The following NIPBL variants were observed in gnomAD, a reference collection of about 807,000 sequenced individuals.
NIPBL encodes the protein NIPBL cohesin loading factor, also known as nipped-B-like protein.
A neutral mutation model predicts 321.8 loss-of-function variants in NIPBL; 19 were observed. The observed-to-expected ratio is 0.06, with a 90% confidence interval of 0.04 to 0.09. NIPBL has a LOEUF of 0.09. Among genes scored for constraint, NIPBL ranks in the 10% least tolerant of loss-of-function variants. The pLI is 1.00. For synonymous variants in NIPBL, 1,106 were observed against 1,114.1 expected (o/e 0.99, Z 0.14); for missense variants, 2,210 against 3,327.0 (o/e 0.66, Z 8.26).
At chr5:37,010,776 A>G (rs1748026567) in intron 21 of NIPBL, among the ~76,000 whole-genome samples, 1 of 152,194 alleles carries the variant, frequency 6.6e-6, no homozygotes, top group African/African-American at 2.4e-5. Flanking sequence ...AATGGAGGTG[A>G]TAATACTTAT....
chr5:37,050,708 C>A (rs576813490), intron 40 of NIPBL, among the ~76,000 whole-genome samples: 1 of 152,178 alleles, frequency 6.6e-6, no homozygotes, highest in Non-Finnish European at 1.5e-5. Flanking sequence ...CAAGGACATT[C>A]TCTTACAAAA....
rs561993875 is a variant in NIPBL at position 36,972,590 on chromosome 5, G to A, written c.868+549G>A. Among the ~76,000 whole-genome samples the A allele has an allele frequency of 8.4e-4, 127 of 151,974 alleles. 1 individual carries two copies. The highest frequency in any genetic ancestry group is 2.9e-3 in the African/African-American group (122 of 41,480). ...CATAAGACTCCTAAATCAATCTTTG[G>A]CTCCAGTCTTGTCTCCCAAGTTCTA... On this transcript the variant is annotated intron_variant, in intron 8 of 46. Transcript: ENST00000282516.
At chr5:37,062,479 C>A (rs1162518806) in intron 45 of NIPBL, among the ~76,000 whole-genome samples, 1 of 151,010 alleles carries the variant, frequency 6.6e-6, no homozygotes, top group Non-Finnish European at 1.5e-5. Flanking sequence ...CTAGAGGTTA[C>A]CAAGGACCGG....
Position 37,063,920 on chromosome 5 carries a change from C to T in NIPBL, c.7991C>T (p.Ala2664Val). ...LGGGSPKNNT[A>V]AETEDDESDG... Reference sequence around the variant, plus strand: ...GGAGGCAGCCCTAAAAATAATACAGCAGCAGAGACAGAAGATGATGAAAGT... The same window carrying T: ...GGAGGCAGCCCTAAAAATAATACAGTAGCAGAGACAGAAGATGATGAAAGT... Residue 2664 changes from alanine to valine, a missense_variant, in exon 46 of 47, where the codon GCA (alanine) becomes GTA (valine). Transcript: ENST00000282516. 1 of 1,613,928 alleles carries T rather than the reference C, an allele frequency of 6.2e-7. No homozygotes were observed. The highest frequency in any genetic ancestry group is 8.5e-7 in the Non-Finnish European group (1 of 1,179,976).
intron 4 of NIPBL, among the ~76,000 whole-genome samples, chr5:36,960,643 G>T (rs1741510254): frequency 6.6e-6 from 1 of 152,114 alleles, no homozygotes; most frequent in Non-Finnish European, 1.5e-5. Flanking sequence ...ACAACAGCAG[G>T]AAATGAAATT....
chr5:37,061,609 G>T (rs910517848), intron 45 of NIPBL, among the ~76,000 whole-genome samples: 17 of 152,114 alleles, frequency 1.1e-4, no homozygotes, highest in African/African-American at 3.4e-4. Flanking sequence ...AGCCTGAGAG[G>T]CAGAGGTTAC....
At chr5:37,049,033 A>G (rs576735526) in intron 39 of NIPBL, 78 bp from the exon 40 acceptor site, 5 of 1,438,956 alleles carry the variant, frequency 3.5e-6, no homozygotes, top group Non-Finnish European at 4.9e-6. Flanking sequence ...GATTTTGGTT[A>G]TGGCCTAATT....
At chr5:36,882,578 G>A (rs1561342976) in intron 1 of NIPBL, among the ~76,000 whole-genome samples, 1 of 151,956 alleles carries the variant, frequency 6.6e-6, no homozygotes, top group Non-Finnish European at 1.5e-5. Flanking sequence ...ACTCAGTGAA[G>A]TTAGTGATAC....
intron 21 of NIPBL, among the ~76,000 whole-genome samples, chr5:37,010,841 A>G (rs1748033624): frequency 6.6e-6 from 1 of 152,232 alleles, no homozygotes; most frequent in Non-Finnish European, 1.5e-5. Context: ...GTGAAAGTGA[A>G]TAATACAATA....
intron 42 of NIPBL, 39 bp downstream of exon 42, chr5:37,052,605 T>A (rs772049132): frequency 1.3e-6 from 2 of 1,526,632 alleles, no homozygotes; most frequent in South Asian, 2.3e-5. Context: ...AAATAAGTGC[T>A]CTAGAAATTT....
intron 9 of NIPBL, among the ~76,000 whole-genome samples, chr5:36,977,381 A>G (rs1203591397): frequency 6.6e-6 from 1 of 151,960 alleles, no homozygotes; most frequent in East Asian, 1.9e-4. Flanking sequence ...TCATGACAAG[A>G]TAATTGTGTT....
At chr5:37,016,194 T>C in intron 23 of NIPBL, 24 bp downstream of exon 23, 1 of 1,609,278 alleles carries the variant, frequency 6.2e-7, no homozygotes, top group Non-Finnish European at 8.5e-7. Flanking sequence ...ATTTAAAGAT[T>C]ATTAGATTAC....
intron 1 of NIPBL, among the ~76,000 whole-genome samples, chr5:36,952,386 G>C (rs1275603689): frequency 6.6e-6 from 1 of 151,928 alleles, no homozygotes; most frequent in African/African-American, 2.4e-5. Flanking sequence ...TTTAATCTTA[G>C]CTCTATGGTT....
intron 12 of NIPBL, 43 bp from the exon 13 acceptor site, chr5:37,000,769 TTTAAG>T: frequency 6.7e-7 from 1 of 1,497,686 alleles, no homozygotes; most frequent in Non-Finnish European, 9.3e-7. Flanking sequence ...ATGGAATTAT[TTTAAG>T]TTGTCAGTCC....
chr5:37,007,583 C>T, intron 18 of NIPBL, 109 bp downstream of exon 18: 1 of 762,490 alleles, frequency 1.3e-6, no homozygotes, highest in Non-Finnish European at 2.1e-6. Context: ...AAGAATTTTT[C>T]CTGTTAAGAG....
intron 11 of NIPBL, among the ~76,000 whole-genome samples, chr5:37,000,003 A>T (rs1561136984): frequency 6.6e-6 from 1 of 152,148 alleles, no homozygotes; most frequent in Non-Finnish European, 1.5e-5. Flanking sequence ...TCTGTTTTTC[A>T]TCTAATTCCT....
rs763125929 is a variant in NIPBL at position 37,014,673 on chromosome 5, T to C, written c.4561-10T>C. 58 of 1,573,006 alleles carry C rather than the reference T, an allele frequency of 3.7e-5. No individual in the cohort carries two copies. Among genetic ancestry groups the C allele is most frequent in the Non-Finnish European group, 5.0e-5 (57 of 1,143,264 alleles). On this transcript the variant is annotated splice_polypyrimidine_tract_variant and intron_variant, in intron 21 of 46. Transcript: ENST00000282516. ...TTGTATCTTTATAAACTCACTTTTT[T>C]TCATTCTAGATTGACCAGGATGTTG... is the stretch of plus-strand genomic sequence containing the variant.
intron 16 of NIPBL, among the ~76,000 whole-genome samples, 172 bp downstream of exon 16, chr5:37,003,519 CATTA>C (rs777271203): frequency 2.2e-4 from 33 of 152,046 alleles, no homozygotes; most frequent in Non-Finnish European, 4.3e-4. Context: ...TTTTTATTGT[CATTA>C]ATCTCTTCCC....
chr5:36,956,139 G>A (rs1367847903), intron 3 of NIPBL, among the ~76,000 whole-genome samples: 3 of 151,912 alleles, frequency 2.0e-5, no homozygotes, highest in Admixed American at 6.6e-5. Flanking sequence ...GCTGAGGCAG[G>A]AGAATCACTT....
Sources: gnomAD v4.1 joint callset for allele counts (sites outside exome capture counted in the v4.1 genomes callset) on GRCh38, gnomAD v4.1.1 for gene constraint, MANE v1.5 for transcripts, NCBI Gene and HGNC (gene_info 2026-07-23, HGNC 2026-07-21) for gene names.